The following SIRT1 variants were observed in gnomAD, a reference collection of about 807,000 sequenced individuals.
SIRT1 encodes sirtuin 1, also known as NAD-dependent protein deacetylase sirtuin-1.
A neutral mutation model predicts 67.9 loss-of-function variants in SIRT1; 24 were observed. The ratio of observed to expected loss-of-function variants is 0.35; its 90% CI spans 0.26 to 0.50. The LOEUF is 0.50. SIRT1 is among the 20% of genes least tolerant of loss of function. The pLI is 0.98. For synonymous variants in SIRT1, 378 were observed against 350.7 expected, an observed-to-expected ratio of 1.08 and a Z score of -0.87; for missense variants, 873 against 937.2, an observed-to-expected ratio of 0.93 and a Z score of 0.89.
At chr10:67,891,206 G>T (rs1006276951) in intron 3 of SIRT1, among the ~76,000 whole-genome samples, 196 bp from the exon 4 acceptor site, 5 of 151,978 alleles carry the variant, frequency 3.3e-5, no homozygotes, top group Admixed American at 1.3e-4. Flanking sequence ...TGGAATATGA[G>T]GTATGTTTAA....
At chr10:67,893,851 A>G (rs1032095834) in intron 4 of SIRT1, among the ~76,000 whole-genome samples, 10 of 152,210 alleles carry the variant, frequency 6.6e-5, no homozygotes, top group Non-Finnish European at 1.3e-4. Context: ...CGCCCTGCCG[A>G]TGAACCTAAA....
chr10:67,904,948 C>A (rs1469529841), intron 4 of SIRT1, among the ~76,000 whole-genome samples: 1 of 151,944 alleles, frequency 6.6e-6, no homozygotes, highest in Non-Finnish European at 1.5e-5. Flanking sequence ...GTGTCCCATA[C>A]ATCTTTGTGT....
At chr10:67,913,069 G>A in intron 8 of SIRT1, 38 bp downstream of exon 8, 1 of 1,546,326 alleles carries the variant, frequency 6.5e-7, no homozygotes, top group Middle Eastern at 1.7e-4. Flanking sequence ...AAGTATAAAT[G>A]TCATAACAGT....
chr10:67,916,851 AACTT>A lies in SIRT1; in HGVS notation c.*259_*262del, dbSNP rs1349106847. The A allele has an allele frequency of 1.5e-5, 3 of 203,122 alleles. No homozygotes were observed. The highest frequency in any genetic ancestry group is 2.3e-5 in the African/African-American group (1 of 43,864). 12.6% of individuals were successfully genotyped at this position (203,122 alleles called of 1,614,324 possible). On this transcript the variant is annotated 3_prime_UTR_variant, in exon 9 of 9. Coordinates refer to ENST00000212015, the MANE Select transcript of SIRT1 (RefSeq NM_012238.5). The stretch of plus-strand genomic sequence containing the variant: ...CTTCAATCAGCTGTTGGTCAAGACT[AACTT>A]TCTTTTAAAGGTTCATTTGTATGAT...
In SIRT1 at chr10:67,894,261, T is replaced by G. The variant is rs377219277; in HGVS notation, c.942+2707T>G. ...TCAGGCTATCAAGAGAATTTTTAAC[T>G]TAAAACTTATATAATTTGAACTTTT... On this transcript the variant is annotated intron_variant, in intron 4 of 8. Coordinates refer to ENST00000212015, the MANE Select transcript of SIRT1 (RefSeq NM_012238.5). 1.9e-4 allele frequency among the ~76,000 whole-genome samples: 29 copies of G among 152,378 alleles called. No individual in the cohort carries two copies. The South Asian group carries it at 5.6e-3, about 29-fold the overall frequency.
chr10:67,914,405 G>T (rs867414056), intron 8 of SIRT1, among the ~76,000 whole-genome samples: 11 of 152,094 alleles, frequency 7.2e-5, no homozygotes, highest in Non-Finnish European at 2.9e-5. Context: ...TTAGATTACA[G>T]AAGGCTTTCT....
At chr10:67,887,727 C>T (rs1476206709) in intron 2 of SIRT1, among the ~76,000 whole-genome samples, 194 bp downstream of exon 2, 1 of 152,170 alleles carries the variant, frequency 6.6e-6, no homozygotes, top group East Asian at 1.9e-4. Flanking sequence ...CATGCATATG[C>T]CACTACGCCC....
intron 2 of SIRT1, 98 bp from the exon 3 acceptor site, chr10:67,888,784 A>G (rs1389036502): frequency 1.4e-6 from 2 of 1,407,576 alleles, no homozygotes; most frequent in Non-Finnish European, 1.9e-6. Flanking sequence ...TTACTTTGCA[A>G]AAAACCCTCA....
chr10:67,912,560 T>A lies in SIRT1; in HGVS notation c.1444T>A (p.Cys482Ser). The A allele has an allele frequency of 6.2e-7, 1 of 1,614,154 alleles. No individual in the cohort carries two copies. The highest frequency in any genetic ancestry group is 1.7e-5 in the Admixed American group (1 of 60,020). ...TTTTGATGTAGAGCTTCTTGGAGAC[T>A]GTGATGTCATAATTAATGAATTGTG... Reference protein sequence around the residue: ...LHFDVELLGDCDVIINELCHR... With the variant: ...LHFDVELLGDSDVIINELCHR... The change falls in exon 8 of 9, where the codon TGT (cysteine) becomes AGT (serine). Residue 482 changes from cysteine to serine, a missense_variant. Physicochemically the swap from Cys to Ser is moderately radical, Grantham distance 112. Transcript: ENST00000212015.
At chr10:67,891,295 C>A in intron 3 of SIRT1, 107 bp from the exon 4 acceptor site, 2 of 936,644 alleles carry the variant, frequency 2.1e-6, no homozygotes, top group Non-Finnish European at 3.2e-6. Context: ...AAGTTTCAGA[C>A]TAAAATTTTC....
intron 4 of SIRT1, among the ~76,000 whole-genome samples, chr10:67,902,818 G>T (rs900739267): frequency 6.6e-6 from 1 of 152,174 alleles, no homozygotes; most frequent in Admixed American, 6.6e-5. Flanking sequence ...TTTTGGCTGG[G>T]CACAGTGGCT....
At chr10:67,894,081 C>G (rs763497748) in intron 4 of SIRT1, among the ~76,000 whole-genome samples, 1 of 152,158 alleles carries the variant, frequency 6.6e-6, no homozygotes, top group Non-Finnish European at 1.5e-5. Context: ...TTGAGACCAG[C>G]CTGCGCAACA....
At chr10:67,886,407 A>G (rs1219107547) in intron 1 of SIRT1, among the ~76,000 whole-genome samples, 3 of 151,964 alleles carry the variant, frequency 2.0e-5, no homozygotes, top group African/African-American at 7.2e-5. Flanking sequence ...AGCCTGGGCA[A>G]CATAGCGAGA....
Position 67,916,447 on chromosome 10 carries a change from A to C in SIRT1, c.2098A>C (p.Asn700His), listed in dbSNP as rs747251569. The change falls in exon 9 of 9, where the codon AAT (asparagine) becomes CAT (histidine). Residue 700 changes from asparagine to histidine, a missense_variant. Transcript: ENST00000212015. ...EDESEIEEFY[N>H]GLEDEPDVPE... ...TGAAAGTGAAATTGAAGAATTCTACAATGGCTTAGAAGATGAGCCTGATGT... is the reference window on the plus strand; with the variant it reads ...TGAAAGTGAAATTGAAGAATTCTACCATGGCTTAGAAGATGAGCCTGATGT... 3.1e-6 allele frequency: 5 copies of C among 1,614,172 alleles called. No individual in the cohort carries two copies. The East Asian group carries it at 1.1e-4, about 36-fold the overall frequency.
In SIRT1 at chr10:67,912,864, A is replaced by C. The variant is rs201096600; in HGVS notation, c.1748A>C (p.Gln583Pro). 1.2e-6 allele frequency: 2 copies of C among 1,614,164 alleles called. No homozygotes were observed. Among genetic ancestry groups the C allele is most frequent in the Non-Finnish European group, 1.7e-6 (2 of 1,180,018 alleles). Reference protein sequence around the residue: ...GCMEEKPQEVQTSRNVESIAE... With the variant: ...GCMEEKPQEVPTSRNVESIAE... ...ATGGAAGAAAAACCACAGGAAGTAC[A>C]AACTTCTAGGAATGTTGAAAGTATT... is the stretch of plus-strand genomic sequence containing the variant. Residue 583 changes from glutamine (Q) to proline (P), a missense_variant, in exon 8 of 9, where the codon CAA becomes CCA. By Grantham distance (76) the Gln-to-Pro change is moderately conservative. Around this residue, in one of 3 missense-constraint regions of SIRT1, gnomAD observed 295 missense variants for 294.5 expected, o/e 1.00. Transcript: ENST00000212015.
chr10:67,913,101 T>A, intron 8 of SIRT1, 70 bp downstream of exon 8: 1 of 1,479,646 alleles, frequency 6.8e-7, no homozygotes, highest in Non-Finnish European at 9.1e-7. Flanking sequence ...ATTAGCTATT[T>A]CGGCAGGTTA....
intron 4 of SIRT1, among the ~76,000 whole-genome samples, 177 bp downstream of exon 4, chr10:67,891,731 T>C (rs564459617): frequency 1.3e-5 from 2 of 152,340 alleles, no homozygotes; most frequent in South Asian, 2.1e-4. Flanking sequence ...AGGACTATTA[T>C]CTACTTCATT....
chr10:67,886,294 T>C (rs1842479572), intron 1 of SIRT1, among the ~76,000 whole-genome samples: 1 of 152,030 alleles, frequency 6.6e-6, no homozygotes, highest in African/African-American at 2.4e-5. Flanking sequence ...TGTTCATCTT[T>C]ATCAATATTT....
chr10:67,895,760 T>TTTTTTTTTA (rs1459241769), intron 4 of SIRT1, among the ~76,000 whole-genome samples: 2 of 137,048 alleles, frequency 1.5e-5, no homozygotes, highest in Non-Finnish European at 1.5e-5. Context: ...TTTTTTTTTT[T>TTTTTTTTTA]GAGACAGTTT....
Sources: gnomAD v4.1 joint callset for allele counts (sites outside exome capture counted in the v4.1 genomes callset) on GRCh38, gnomAD v4.1.1 for gene constraint, gnomAD v4.1.1 regional missense constraint, MANE v1.5 for transcripts, NCBI Gene and HGNC (gene_info 2026-07-23, HGNC 2026-07-21) for gene names.